DPY30: variants seen among roughly 807,000 people sequenced by gnomAD.
DPY30 encodes dpy-30 histone methyltransferase complex regulatory subunit.
DPY30 carries 6 observed loss-of-function variants against 16.2 expected under a neutral mutation model. The ratio of observed to expected loss-of-function variants is 0.37; its 90% CI spans 0.20 to 0.73. The LOEUF (loss-of-function observed/expected upper bound fraction) is 0.73, where lower values mean the gene tolerates loss of function less well. Among genes scored for constraint, DPY30 ranks in the 30% least tolerant of loss-of-function variants. The pLI, the probability that DPY30 is intolerant of heterozygous loss-of-function variation, is 0.51. For synonymous variants in DPY30, 39 were observed against 38.8 expected, an observed-to-expected ratio of 1.00 and a Z score of -0.02; for missense variants, 73 against 113.1, an observed-to-expected ratio of 0.65 and a Z score of 1.61.
intron 4 of DPY30, among the ~76,000 whole-genome samples, chr2:32,028,163 T>G (rs1022941379): frequency 6.7e-6 from 1 of 148,944 alleles, no homozygotes; most frequent in Non-Finnish European, 1.5e-5. Context: ...CAGGCTGGAG[T>G]GCAGTGGTGC....
chr2:32,039,036 T>G (rs557255422), intron 3 of DPY30, among the ~76,000 whole-genome samples: 11 of 152,240 alleles, frequency 7.2e-5, no homozygotes, highest in African/African-American at 2.4e-4. Flanking sequence ...ATTCAGACAG[T>G]ATCCCTCAAG....
At chr2:32,018,532 C>A (rs1211223927) in intron 5 of DPY30, among the ~76,000 whole-genome samples, 1 of 152,060 alleles carries the variant, frequency 6.6e-6, no homozygotes, top group Non-Finnish European at 1.5e-5. Context: ...GAAAGACCAT[C>A]CTAGCTAACA....
At chr2:32,028,632 CACT>C (rs1675421383) in intron 4 of DPY30, among the ~76,000 whole-genome samples, 1 of 152,048 alleles carries the variant, frequency 6.6e-6, no homozygotes, top group African/African-American at 2.4e-5. Flanking sequence ...GAAACCCCAT[CACT>C]ACTAAAAATA....
chr2:32,022,120 G>A (rs1675197930), downstream of DPY30, among the ~76,000 whole-genome samples: 1 of 150,862 alleles, frequency 6.6e-6, no homozygotes, highest in African/African-American at 2.4e-5. Flanking sequence ...TGACACAGGA[G>A]AATCACTTGA....
intron 3 of DPY30, among the ~76,000 whole-genome samples, chr2:32,034,324 C>A (rs569141130): frequency 6.6e-6 from 1 of 152,140 alleles, no homozygotes; most frequent in Admixed American, 6.6e-5. Context: ...ACAAGCATGG[C>A]GCCAGCATCT....
At chr2:32,032,415 T>A (rs1409861590) in intron 3 of DPY30, among the ~76,000 whole-genome samples, 1 of 152,196 alleles carries the variant, frequency 6.6e-6, no homozygotes, top group Non-Finnish European at 1.5e-5. Context: ...GACAGTATCA[T>A]CTTGAATGAA....
At chr2:32,035,883 G>A (rs537797914) in intron 3 of DPY30, among the ~76,000 whole-genome samples, 3 of 146,302 alleles carry the variant, frequency 2.1e-5, no homozygotes, top group South Asian at 2.1e-4. Context: ...ACAGTAAGCC[G>A]AGATCACGCC....
intron 3 of DPY30, among the ~76,000 whole-genome samples, chr2:32,036,784 G>C (rs1433140640): frequency 6.6e-6 from 1 of 151,986 alleles, no homozygotes; most frequent in African/African-American, 2.4e-5. Context: ...CAGGAGAATG[G>C]TGTGAACCCA....
chr2:32,012,788 A>G (rs1030381242), intron 5 of DPY30, among the ~76,000 whole-genome samples: 2 of 152,186 alleles, frequency 1.3e-5, no homozygotes, highest in African/African-American at 2.4e-5. Flanking sequence ...CTCTGATTAC[A>G]TGGTACTGTT....
intron 5 of DPY30, among the ~76,000 whole-genome samples, chr2:32,016,842 A>G (rs1572986167): frequency 1.3e-5 from 2 of 152,236 alleles, no homozygotes; most frequent in Middle Eastern, 3.4e-3. Context: ...TATGATTTCC[A>G]GTTATATATA....
At chr2:32,017,704 T>A (rs1203207738) in intron 5 of DPY30, among the ~76,000 whole-genome samples, 1 of 152,142 alleles carries the variant, frequency 6.6e-6, no homozygotes, top group Non-Finnish European at 1.5e-5. Context: ...AATTATGTTC[T>A]CCAACTTATT....
At chr2:32,024,290 A>G (rs1675254736) in intron 4 of DPY30, 34 bp from the exon 5 acceptor site, 3 of 1,462,716 alleles carry the variant, frequency 2.1e-6, no homozygotes, top group Non-Finnish European at 2.9e-6. Context: ...GTTTAGAAAT[A>G]TATTTCCTAG....
At chr2:32,036,284 T>C (rs1040849286) in intron 3 of DPY30, among the ~76,000 whole-genome samples, 2 of 151,964 alleles carry the variant, frequency 1.3e-5, no homozygotes, top group African/African-American at 4.8e-5. Flanking sequence ...GGCAAAGTAT[T>C]TTTTTTAAAT....
At chr2:32,025,979 A>G (rs1675319283) in intron 4 of DPY30, among the ~76,000 whole-genome samples, 1 of 151,984 alleles carries the variant, frequency 6.6e-6, no homozygotes, top group Non-Finnish European at 1.5e-5. Context: ...GTGGTGGCGC[A>G]CACCTGTAGT....
At chr2:32,038,041 C>G (rs1366421101) in intron 3 of DPY30, among the ~76,000 whole-genome samples, 1 of 151,604 alleles carries the variant, frequency 6.6e-6, no homozygotes, top group Non-Finnish European at 1.5e-5. Context: ...GTAACTTGTT[C>G]AAGATCACCA....
At chr2:32,030,358 C>G (rs1025844743) in intron 3 of DPY30, among the ~76,000 whole-genome samples, 1 of 152,066 alleles carries the variant, frequency 6.6e-6, no homozygotes, top group Non-Finnish European at 1.5e-5. Flanking sequence ...AGGCCTGGCG[C>G]AGGGGCTCAC....
intron 4 of DPY30, 131 bp from the exon 5 acceptor site, chr2:32,024,387 T>A: frequency 1.5e-6 from 1 of 684,938 alleles, no homozygotes. Context: ...ACATTTGTAG[T>A]AAATAAAATA....
chr2:32,012,419 CTTTTTTTTTTTTTT>C (rs397984233), intron 5 of DPY30, among the ~76,000 whole-genome samples: 11 of 81,656 alleles, frequency 1.3e-4, no homozygotes, highest in Non-Finnish European at 2.4e-4. Flanking sequence ...TCTCTTTTTT[CTTTTTTTTTTTTTT>C]TTTTTTTTTT....
At chr2:32,026,443 G>A (rs932004166) in intron 4 of DPY30, among the ~76,000 whole-genome samples, 2 of 151,898 alleles carry the variant, frequency 1.3e-5, no homozygotes, top group African/African-American at 4.8e-5. Flanking sequence ...TTTTTTAAAT[G>A]TATTTACGAG....
Sources: gnomAD v4.1 joint callset for allele counts (sites outside exome capture counted in the v4.1 genomes callset) on GRCh38, gnomAD v4.1.1 for gene constraint, MANE v1.5 for transcripts, NCBI Gene and HGNC (gene_info 2026-07-23, HGNC 2026-07-21) for gene names.